Variants in ITGBL1 observed in about 807,000 individuals in gnomAD.
ITGBL1 encodes integrin subunit beta like 1.
In ITGBL1, 51 loss-of-function variants were observed where a neutral mutation model predicts 68.5. That is an observed-to-expected ratio of 0.74 (90% CI 0.59 to 0.94). ITGBL1 has a LOEUF of 0.94. Among genes scored for constraint, ITGBL1 ranks in the 40% least tolerant of loss-of-function variants. ITGBL1 has a pLI of 0.00. For missense variants in ITGBL1, 649 were observed against 647.4 expected (o/e 1.00, Z -0.03); for synonymous variants, 209 against 227.3 (o/e 0.92, Z 0.72).
At chr13:101,605,794 A>ATTTG (rs1555361848) in intron 7 of ITGBL1, among the ~76,000 whole-genome samples, 1 of 150,588 alleles carries the variant, frequency 6.6e-6, no homozygotes, top group African/African-American at 2.4e-5. Flanking sequence ...ATGTGCGTAT[A>ATTTG]TGTACTCGTG....
chr13:101,635,069 A>G (rs538154993), intron 7 of ITGBL1, among the ~76,000 whole-genome samples: 20 of 152,162 alleles, frequency 1.3e-4, no homozygotes, highest in Non-Finnish European at 2.5e-4. Flanking sequence ...TATGCTGGGA[A>G]CATGTTAAAT....
intron 2 of ITGBL1, among the ~76,000 whole-genome samples, chr13:101,496,314 C>T (rs915933178): frequency 1.3e-5 from 2 of 152,158 alleles, no homozygotes; most frequent in Admixed American, 6.5e-5. Flanking sequence ...TCTGCCAGAG[C>T]ACAGATCTCT....
At position 101,534,237 on chromosome 13, in the gene ITGBL1, A is replaced by G. The variant is rs558896642; in HGVS notation, c.317-33462A>G. On this transcript the variant is annotated intron_variant, in intron 2 of 10. Transcript: ENST00000376180. Reference sequence around the variant, plus strand: ...CCATTAATGGGTGGGGAGGAAGGAGAAACAGCAGGCATAGGCTACTCTTTC... The same window carrying G: ...CCATTAATGGGTGGGGAGGAAGGAGGAACAGCAGGCATAGGCTACTCTTTC... 6.6e-4 allele frequency among the ~76,000 whole-genome samples: 100 copies of G among 152,274 alleles called. No homozygotes were observed. The Middle Eastern group carries it at 0.014, about 21-fold the overall frequency.
chr13:101,610,854 A>C (rs1051946236), intron 7 of ITGBL1, among the ~76,000 whole-genome samples: 2 of 152,162 alleles, frequency 1.3e-5, no homozygotes, highest in African/African-American at 4.8e-5. Context: ...ACATTTGCTC[A>C]ATTTGTGTGC....
Position 101,467,089 on chromosome 13 carries a change from A to G in ITGBL1, c.316+12989A>G, listed in dbSNP as rs907728370. Among the ~76,000 whole-genome samples, 44 of 152,134 alleles carry G rather than the reference A, an allele frequency of 2.9e-4. 1 individual carries two copies. Among genetic ancestry groups the G allele is most frequent in the Non-Finnish European group, 5.9e-5 (4 of 68,012 alleles). ...AAACAGGCTCCCCCAAGCCTCTTTTATAAGGGCACTAATCCCACTAATGAG... is the reference window on the plus strand; with the variant it reads ...AAACAGGCTCCCCCAAGCCTCTTTTGTAAGGGCACTAATCCCACTAATGAG... On this transcript the variant is annotated intron_variant, in intron 2 of 10. Coordinates refer to ENST00000376180, the MANE Select transcript of ITGBL1 (RefSeq NM_004791.3).
intron 7 of ITGBL1, among the ~76,000 whole-genome samples, chr13:101,684,931 G>A (rs2033722033): frequency 6.6e-6 from 1 of 151,658 alleles, no homozygotes; most frequent in Admixed American, 6.6e-5. Flanking sequence ...ATTTTATTTG[G>A]TTGAATAATA....
At chr13:101,476,322 A>G (rs997571717) in intron 2 of ITGBL1, among the ~76,000 whole-genome samples, 4 of 152,120 alleles carry the variant, frequency 2.6e-5, no homozygotes, top group Non-Finnish European at 4.4e-5. Flanking sequence ...AGTAACCTCA[A>G]TTCCAAAAAC....
At chr13:101,703,995 T>TGGGGA (rs2034194917) in intron 8 of ITGBL1, among the ~76,000 whole-genome samples, 1 of 152,154 alleles carries the variant, frequency 6.6e-6, no homozygotes, top group African/African-American at 2.4e-5. Flanking sequence ...CTACTCTCTC[T>TGGGGA]GGGGAGGGGA....
chr13:101,556,851 G>A (rs192446697), intron 2 of ITGBL1, among the ~76,000 whole-genome samples: 23 of 152,290 alleles, frequency 1.5e-4, no homozygotes, highest in Admixed American at 9.2e-4. Flanking sequence ...TTTGGACTTC[G>A]AGTCTCCAGA....
At chr13:101,518,601 A>G (rs2049232958) in intron 2 of ITGBL1, among the ~76,000 whole-genome samples, 2 of 152,218 alleles carry the variant, frequency 1.3e-5, no homozygotes, top group African/African-American at 4.8e-5. Flanking sequence ...AGAACAGTAT[A>G]TTGATTAGCA....
At chr13:101,491,372 C>A (rs1320481931) in intron 2 of ITGBL1, among the ~76,000 whole-genome samples, 1 of 152,130 alleles carries the variant, frequency 6.6e-6, no homozygotes, top group East Asian at 1.9e-4. Context: ...CTACTTTGAA[C>A]ATTTTTTATC....
intron 2 of ITGBL1, among the ~76,000 whole-genome samples, chr13:101,458,628 G>A (rs1212770218): frequency 6.7e-6 from 1 of 150,192 alleles, no homozygotes; most frequent in Non-Finnish European, 1.5e-5. Context: ...TGGATACCAA[G>A]GATGTTCCAG....
At chr13:101,594,707 T>C (rs2050713819) in intron 6 of ITGBL1, among the ~76,000 whole-genome samples, 2 of 152,156 alleles carry the variant, frequency 1.3e-5, no homozygotes, top group South Asian at 2.1e-4. Flanking sequence ...ATATTCAAAA[T>C]ATATGAGTTC....
rs546466623 is a variant in ITGBL1 at position 101,473,054 on chromosome 13, G to C, written c.316+18954G>C. 3.9e-5 allele frequency among the ~76,000 whole-genome samples: 6 copies of C among 152,166 alleles called. No individual in the cohort carries two copies. In the South Asian group the frequency reaches 1.0e-3, roughly 26 times the overall value. The stretch of plus-strand genomic sequence containing the variant: ...AGATGCTATATTTGTAGCTGCAGAG[G>C]TTATAAAGATTAAAATGTGATTCTT... On this transcript the variant is annotated intron_variant, in intron 2 of 10. Transcript: ENST00000376180.
intron 2 of ITGBL1, among the ~76,000 whole-genome samples, chr13:101,564,558 A>G (rs976714087): frequency 1.3e-5 from 2 of 150,458 alleles, no homozygotes; most frequent in Non-Finnish European, 3.0e-5. Context: ...ATATAACAAT[A>G]TATAACAATT....
At chr13:101,465,916 G>A (rs181927780) in intron 2 of ITGBL1, among the ~76,000 whole-genome samples, 7 of 152,288 alleles carry the variant, frequency 4.6e-5, no homozygotes, top group Admixed American at 3.9e-4. Flanking sequence ...ATTGAGGATA[G>A]CGGTAACTGT....
At chr13:101,636,175 A>T (rs1419612803) in intron 7 of ITGBL1, among the ~76,000 whole-genome samples, 3 of 152,092 alleles carry the variant, frequency 2.0e-5, no homozygotes, top group Non-Finnish European at 4.4e-5. Flanking sequence ...TGGTCAACAG[A>T]TTCCTAATGG....
chr13:101,671,456 T>TTTTTTTA (rs71200756), intron 7 of ITGBL1, among the ~76,000 whole-genome samples: 1 of 137,698 alleles, frequency 7.3e-6, no homozygotes. Context: ...TGTTTTTTTT[T>TTTTTTTA]GAGACGGAGT....
chr13:101,659,103 G>A (rs999535356), intron 7 of ITGBL1, among the ~76,000 whole-genome samples: 4 of 147,544 alleles, frequency 2.7e-5, no homozygotes, highest in Non-Finnish European at 5.9e-5. Context: ...GAGAGCTGGA[G>A]TGCAGTGGGG....
Sources: gnomAD v4.1 joint callset for allele counts (sites outside exome capture counted in the v4.1 genomes callset) on GRCh38, gnomAD v4.1.1 for gene constraint, MANE v1.5 for transcripts, NCBI Gene and HGNC (gene_info 2026-07-23, HGNC 2026-07-21) for gene names.